Variants in TNFRSF25 observed in about 807,000 individuals in gnomAD.
The protein encoded by TNFRSF25 is tumor necrosis factor receptor superfamily member 25.
Under a neutral mutation model 49.4 loss-of-function variants are expected in TNFRSF25, and 28 were observed. The observed-to-expected ratio is 0.57, with a 90% CI of 0.42 to 0.78. The LOEUF is 0.78. Ranked by LOEUF, TNFRSF25 falls within the 30% of genes least tolerant of loss-of-function variation. TNFRSF25 has a pLI of 0.00. For missense variants in TNFRSF25, 531 were observed against 581.6 expected (o/e 0.91, Z 0.90); for synonymous variants, 240 against 234.2 (o/e 1.02, Z -0.23).
rs1644209355 is a variant in TNFRSF25, at chr1:6,462,584, T to C, written c.744+45A>G. The C allele has an allele frequency of 1.9e-6, 3 of 1,599,432 alleles. No homozygotes were observed. In the East Asian group the frequency reaches 6.7e-5, roughly 36 times the overall value. On this transcript the variant is annotated intron_variant, in intron 8 of 9. Transcript: ENST00000356876. The surrounding 1 kb of genome is among the most constrained non-coding windows in gnomAD (Gnocchi z 4.2). ...CAGGGATCATAGTAAGGCTTGATCTTCCAGCTCCAGAAGGCAGCCCAGAAT... is the reference window on the plus strand; with the variant it reads ...CAGGGATCATAGTAAGGCTTGATCTCCCAGCTCCAGAAGGCAGCCCAGAAT...
chr1:6,462,169 G>A lies in TNFRSF25; in HGVS notation c.750C>T (p.Thr250=), dbSNP rs1221230256. 1.3e-6 allele frequency: 2 copies of A among 1,599,962 alleles called. No individual in the cohort carries two copies. The highest frequency in any genetic ancestry group is 8.5e-7 in the Non-Finnish European group (1 of 1,173,082). ...GGGCGCTGTCCAAGGGTGACAGATG[G>A]GTGGCCTGGAAGCCAAGAGGGGCCC... is the stretch of plus-strand genomic sequence containing the variant. ...GMEALTPPPA[T]HLSPLDSAHT... Residue 250 remains threonine (T), a synonymous_variant, in exon 9 of 10, where the codon ACC becomes ACT. Coordinates refer to ENST00000356876, the MANE Select transcript of TNFRSF25 (RefSeq NM_003790.3). This position sits in a 1 kb window ranked among gnomAD's most constrained non-coding sequence, Gnocchi z 4.2.
rs1644191600 is a variant in TNFRSF25, at chr1:6,462,061, G to A, written c.858C>T (p.Pro286=). Residue 286 remains proline (P), a synonymous_variant, in exon 9 of 10, where the codon CCC becomes CCT. Coordinates refer to ENST00000356876, the MANE Select transcript of TNFRSF25 (RefSeq NM_003790.3). The surrounding 1 kb of genome is among the most constrained non-coding windows in gnomAD (Gnocchi z 4.2). ...LVGNSWTPGY[P]ETQEALCPQV... ...GCGGGCAGAGCGCCTCCTGGGTCTC[G>A]GGGTAGCCAGGGGTCCAGCTGTTAC... 1 of 1,613,718 alleles carries A rather than the reference G, an allele frequency of 6.2e-7. No homozygotes were observed. The highest frequency in any genetic ancestry group is 8.5e-7 in the Non-Finnish European group (1 of 1,179,988).
rs1057145592 is a variant in TNFRSF25, at chr1:6,462,547, C to T, written c.744+82G>A. 50 of 1,564,448 alleles carry T rather than the reference C, an allele frequency of 3.2e-5. No homozygotes were observed. Among genetic ancestry groups the T allele is most frequent in the East Asian group, 4.5e-5 (2 of 44,586 alleles). On this transcript the variant is annotated intron_variant, in intron 8 of 9. Coordinates refer to ENST00000356876, the MANE Select transcript of TNFRSF25 (RefSeq NM_003790.3). The surrounding 1 kb of genome is among the most constrained non-coding windows in gnomAD (Gnocchi z 4.2). ...CACTAGGGCTACCCGGTGCTGGCCG[C>T]GTGCCAAGCTCCAGGGATCATAGTA...
chr1:6,465,374 C>CG, intron 2 of TNFRSF25, 66 bp downstream of exon 2: 1 of 1,607,636 alleles, frequency 6.2e-7, no homozygotes, highest in Admixed American at 1.7e-5. Flanking sequence ...TCTTACCTCC[C>CG]GGGCCTGCCC....
At chr1:6,464,785 C>A in intron 3 of TNFRSF25, 66 bp from the exon 4 acceptor site, 1 of 1,561,294 alleles carries the variant, frequency 6.4e-7, no homozygotes, top group Admixed American at 1.7e-5. Context: ...CATGGAGAGG[C>A]AGAGGCATTA....
Position 6,460,967 on chromosome 1 carries a change from C to T in TNFRSF25, c.*467G>A. ...TCACTCGCTGTGGCCGCGACTTGCT[C>T]TCTCCTTCTCGGGGTAATTGAGCCA... On this transcript the variant is annotated 3_prime_UTR_variant, in exon 10 of 10. Coordinates refer to ENST00000356876, the MANE Select transcript of TNFRSF25 (RefSeq NM_003790.3). 2.7e-6 allele frequency: 1 copy of T among 374,232 alleles called. No homozygotes were observed. The highest frequency in any genetic ancestry group is 5.5e-6 in the Non-Finnish European group (1 of 183,370). 23.2% of individuals were successfully genotyped at this position (374,232 alleles called of 1,614,324 possible).
At chr1:6,463,939 GATTTAAT>G (rs956462867) in intron 5 of TNFRSF25, 78 of 187,570 alleles carry the variant, frequency 4.2e-4, no homozygotes, top group Admixed American at 7.3e-4. Flanking sequence ...TTATTTAATA[GATTTAAT>G]ATTTAATATT....
At position 6,465,175 on chromosome 1, in the gene TNFRSF25, A is replaced by G. The variant is rs898722572; in HGVS notation, c.208T>C (p.Cys70Arg). ...AAGGTGTCTTGGGGACACACAAGGC[A>G]GGTGGAGTTGCCGCAGGGCTCCGTG... ...PCTEPCGNST[C>R]LVCPQDTFLA... is the part of the protein sequence containing the mutation. The change falls in exon 3 of 10, where the codon TGC becomes CGC. Residue 70 changes from cysteine (C) to arginine (R), a missense_variant. Physicochemically the swap from Cys to Arg is radical, Grantham distance 180 (BLOSUM62 -3). Coordinates refer to ENST00000356876, the MANE Select transcript of TNFRSF25 (RefSeq NM_003790.3). The G allele has an allele frequency of 1.2e-6, 2 of 1,613,566 alleles. No homozygotes were observed. The highest frequency in any genetic ancestry group is 2.7e-5 in the African/African-American group (2 of 74,922).
At position 6,461,375 on chromosome 1, in the gene TNFRSF25, C is replaced by G; in HGVS notation, c.*59G>C. 1 of 1,465,538 alleles carries G rather than the reference C, an allele frequency of 6.8e-7. No homozygotes were observed. The highest frequency in any genetic ancestry group is 9.1e-7 in the Non-Finnish European group (1 of 1,101,056). The allele number at this position is 1,465,538 out of a possible 1,614,324, so 90.8% of individuals were successfully genotyped here. On this transcript the variant is annotated 3_prime_UTR_variant, in exon 10 of 10. Coordinates refer to ENST00000356876, the MANE Select transcript of TNFRSF25 (RefSeq NM_003790.3). This position sits in a 1 kb window ranked among gnomAD's most constrained non-coding sequence, Gnocchi z 6.3. ...ATAAAATGTCTACACGCATAAGTAA[C>G]CGTACTTAGGGCTTCTGCAAGGGCC...
chr1:6,463,241 C>T (rs1223686073), intron 5 of TNFRSF25, 114 bp from the exon 6 acceptor site: 4 of 1,037,378 alleles, frequency 3.9e-6, no homozygotes, highest in Non-Finnish European at 4.2e-6. Context: ...AGGCCTCTCA[C>T]TCTACCCAAG....
At position 6,462,794 on chromosome 1, in the gene TNFRSF25, T is replaced by C. The variant is rs1644216358; in HGVS notation, c.706+69A>G. Reference sequence around the variant, plus strand: ...CTCAGTTTCCCCTTCTGTATCAGGGTTGAGTAGACTCTGGGCTACCCATCC... The same window carrying C: ...CTCAGTTTCCCCTTCTGTATCAGGGCTGAGTAGACTCTGGGCTACCCATCC... On this transcript the variant is annotated intron_variant, in intron 7 of 9. Coordinates refer to ENST00000356876, the MANE Select transcript of TNFRSF25 (RefSeq NM_003790.3). This position sits in a 1 kb window ranked among gnomAD's most constrained non-coding sequence, Gnocchi z 4.2. 1.3e-6 allele frequency: 2 copies of C among 1,566,940 alleles called. No individual in the cohort carries two copies. Among genetic ancestry groups the C allele is most frequent in the East Asian group, 4.7e-5 (2 of 43,002 alleles).
chr1:6,462,313 T>C lies in TNFRSF25; in HGVS notation c.745-139A>G. ...TGACACCTCCCACAGTTGGCCCTGC[T>C]CTCACTGTAGCCCAGCAGAACTCTT... On this transcript the variant is annotated intron_variant, in intron 8 of 9. Coordinates refer to ENST00000356876, the MANE Select transcript of TNFRSF25 (RefSeq NM_003790.3). This position sits in a 1 kb window ranked among gnomAD's most constrained non-coding sequence, Gnocchi z 4.2. The C allele has an allele frequency of 1.6e-6, 2 of 1,246,234 alleles. No homozygotes were observed. Among genetic ancestry groups the C allele is most frequent in the East Asian group, 2.5e-5 (1 of 40,118 alleles). The allele number at this position is 1,246,234 out of a possible 1,614,324, so 77.2% of individuals were successfully genotyped here.
At chr1:6,466,018 C>A (rs370899098) in intron 1 of TNFRSF25, 51 bp downstream of exon 1, 1 of 1,547,498 alleles carries the variant, frequency 6.5e-7, no homozygotes, top group Non-Finnish European at 8.7e-7. Context: ...TTCACCGAGG[C>A]TCTTGGGACA....
At chr1:6,465,651 T>G in intron 1 of TNFRSF25, 91 bp from the exon 2 acceptor site, 1 of 1,525,840 alleles carries the variant, frequency 6.6e-7, no homozygotes, top group Non-Finnish European at 8.8e-7. Context: ...CCCCAGCATT[T>G]GCCCACAGAG....
Position 6,462,768 on chromosome 1 carries a change from C to A in TNFRSF25, c.706+95G>T. Reference sequence around the variant, plus strand: ...GTTCCTCTGCACCCCACACTCCCTGCCTCAGTTTCCCCTTCTGTATCAGGG... The same window carrying A: ...GTTCCTCTGCACCCCACACTCCCTGACTCAGTTTCCCCTTCTGTATCAGGG... On this transcript the variant is annotated intron_variant, in intron 7 of 9. Transcript: ENST00000356876. This position sits in a 1 kb window ranked among gnomAD's most constrained non-coding sequence, Gnocchi z 4.2. 1 of 1,571,348 alleles carries A rather than the reference C, an allele frequency of 6.4e-7. No homozygotes were observed.
At chr1:6,463,271 C>T (rs1644234044) in intron 5 of TNFRSF25, 144 bp from the exon 6 acceptor site, 2 of 771,792 alleles carry the variant, frequency 2.6e-6, no homozygotes, top group Non-Finnish European at 2.1e-6. Context: ...GTCATTGTGT[C>T]CCTGGTAACA....
Position 6,461,984 on chromosome 1 carries a change from T to C in TNFRSF25, c.925+10A>G. On this transcript the variant is annotated intron_variant, in intron 9 of 9. Transcript: ENST00000356876. The surrounding 1 kb of genome is among the most constrained non-coding windows in gnomAD (Gnocchi z 6.3). The stretch of plus-strand genomic sequence containing the variant: ...TGGGGTCAAGGCCTCAGGCCACTGA[T>C]GTCCCTTACCAAGAGCTCTGCTGGG... 1.9e-6 allele frequency: 3 copies of C among 1,597,838 alleles called. No individual in the cohort carries two copies. The highest frequency in any genetic ancestry group is 1.7e-6 in the Non-Finnish European group (2 of 1,173,804).
Position 6,464,655 on chromosome 1 carries a change from G to C in TNFRSF25, c.360C>G (p.Gly120=). The C allele has an allele frequency of 6.2e-7, 1 of 1,614,068 alleles. No individual in the cohort carries two copies. The highest frequency in any genetic ancestry group is 1.1e-5 in the South Asian group (1 of 91,092). Residue 120 remains glycine (G), a synonymous_variant, in exon 4 of 10, where the codon GGC becomes GGG. Transcript: ENST00000356876. ...VADTRCGCKP[G]WFVECQVSQC... is the part of the protein sequence containing the mutation. ...GGCTGACCTGGCACTCCACAAACCA[G>C]CCTGGCTTACAGCCACAGCGGGTGT...
rs1644199706 is a variant in TNFRSF25, at chr1:6,462,313, T to A, written c.745-139A>T. ...TGACACCTCCCACAGTTGGCCCTGC[T>A]CTCACTGTAGCCCAGCAGAACTCTT... On this transcript the variant is annotated intron_variant, in intron 8 of 9. Coordinates refer to ENST00000356876, the MANE Select transcript of TNFRSF25 (RefSeq NM_003790.3). This position sits in a 1 kb window ranked among gnomAD's most constrained non-coding sequence, Gnocchi z 4.2. 8.0e-7 allele frequency: 1 copy of A among 1,246,114 alleles called. No individual in the cohort carries two copies. Among genetic ancestry groups the A allele is most frequent in the Admixed American group, 2.8e-5 (1 of 35,598 alleles). The allele number at this position is 1,246,114 out of a possible 1,614,324, so 77.2% of individuals were successfully genotyped here. A position where few individuals can be genotyped will look rare whatever the true frequency, so the allele number is the denominator to read the frequency against.
Sources: allele counts gnomAD v4.1 joint callset, GRCh38; gene constraint gnomAD v4.1.1; non-coding constraint Gnocchi (gnomAD v3.1); transcripts MANE v1.5; gene names NCBI Gene and HGNC (gene_info 2026-07-23, HGNC 2026-07-21).